PDE1C: variants seen among roughly 807,000 people sequenced by gnomAD.
PDE1C encodes dual specificity calcium/calmodulin-dependent 3',5'-cyclic nucleotide phosphodiesterase 1C.
In PDE1C, 62 loss-of-function variants were observed where a neutral mutation model predicts 93.1. That is an observed-to-expected ratio of 0.67 (90% CI 0.54 to 0.82). The LOEUF (loss-of-function observed/expected upper bound fraction) is 0.82, where lower values mean the gene tolerates loss of function less well. PDE1C is among the 40% of genes least tolerant of loss of function. The pLI is 0.00. For missense variants in PDE1C, 742 were observed against 884.6 expected (o/e 0.84, Z 2.04); for synonymous variants, 325 against 310.1 (o/e 1.05, Z -0.50).
the PDE1C span, among the ~76,000 whole-genome samples, chr7:31,713,995 T>C: frequency 6.6e-6 from 1 of 152,200 alleles, no homozygotes; most frequent in African/African-American, 2.4e-5. Context: ...CCCATTGTTT[T>C]GGTGGTTAAC....
chr7:31,697,369 T>G, the PDE1C span, among the ~76,000 whole-genome samples: 1 of 152,216 alleles, frequency 6.6e-6, no homozygotes, highest in Non-Finnish European at 1.5e-5. Flanking sequence ...TTGAATTCAC[T>G]GAGCCAACGG....
chr7:31,732,994 G>A, the PDE1C span, among the ~76,000 whole-genome samples: 75 of 152,268 alleles, frequency 4.9e-4, 1 homozygote, highest in East Asian at 9.5e-3. Context: ...CATTCCTAAC[G>A]GAAAGCCATT....
chr7:32,169,549 G>A (rs1802514464), intron 3 of PDE1C, among the ~76,000 whole-genome samples: 1 of 152,112 alleles, frequency 6.6e-6, no homozygotes, highest in African/African-American at 2.4e-5. Context: ...GCATTTAAAT[G>A]CCAATACCAA....
intron 1 of PDE1C, among the ~76,000 whole-genome samples, chr7:32,360,052 T>G (rs1016885294): frequency 2.0e-5 from 3 of 152,150 alleles, no homozygotes; most frequent in African/African-American, 7.2e-5. Context: ...GGACGATATC[T>G]TCCCTGACTC....
In PDE1C at chr7:31,873,331, A is replaced by G; in HGVS notation, c.570T>C (p.Tyr190=). The G allele has an allele frequency of 6.2e-7, 1 of 1,613,758 alleles. No homozygotes were observed. Residue 190 remains tyrosine, a synonymous_variant, in exon 6 of 18, where the codon TAT becomes TAC. Coordinates refer to ENST00000396191, the MANE Select transcript of PDE1C (RefSeq NM_001191057.4). The stretch of plus-strand genomic sequence containing the variant: ...TCAGATCATAACGTGTGAGTAGTTC[A>G]TAGAAAATAAATTTCAGTGCATGAT... The part of the protein sequence containing the change: ...SGDHALKFIF[Y]ELLTRYDLIS...
the PDE1C span, among the ~76,000 whole-genome samples, chr7:31,659,912 T>C: frequency 6.6e-6 from 1 of 152,204 alleles, no homozygotes; most frequent in African/African-American, 2.4e-5. Flanking sequence ...TGAATTGTAG[T>C]TCCCATAATC....
intron 1 of PDE1C, among the ~76,000 whole-genome samples, chr7:32,333,561 G>A (rs932608921): frequency 3.9e-5 from 6 of 152,090 alleles, no homozygotes; most frequent in Admixed American, 6.5e-5. Flanking sequence ...TTGAGTAGCT[G>A]TCCTAATCAT....
At chr7:32,147,305 A>AAAGAAAGAAAGAAAGAAAG in intron 3 of PDE1C, among the ~76,000 whole-genome samples, 1 of 107,962 alleles carries the variant, frequency 9.3e-6, no homozygotes, top group Non-Finnish European at 2.0e-5. Context: ...AGAAAGAAAG[A>AAAGAAAGAAAGAAAGAAAG]AAGAAAGAAA....
intron 1 of PDE1C, among the ~76,000 whole-genome samples, chr7:32,368,932 G>T (rs777237709): frequency 6.6e-6 from 1 of 152,112 alleles, no homozygotes; most frequent in East Asian, 1.9e-4. Flanking sequence ...TGGGGAAACT[G>T]GCTATCTATA....
chr7:31,794,077 C>CAGATAGATAGATAGATAGATAGATAGAT (rs1196325805), intron 16 of PDE1C, among the ~76,000 whole-genome samples: 30 of 135,172 alleles, frequency 2.2e-4, no homozygotes, highest in East Asian at 1.1e-3. Context: ...GACAGACAGA[C>CAGATAGATAGATAGATAGATAGATAGAT]AGACAGACAG....
At chr7:31,687,825 A>G in the PDE1C span, among the ~76,000 whole-genome samples, 520 of 152,358 alleles carry the variant, frequency 3.4e-3, 3 homozygotes, top group African/African-American at 0.012. Context: ...GATACCACAT[A>G]GGCTGTGGAT....
chr7:32,194,136 A>C (rs1186279009), intron 2 of PDE1C, among the ~76,000 whole-genome samples: 2 of 152,018 alleles, frequency 1.3e-5, no homozygotes, highest in Non-Finnish European at 2.9e-5. Flanking sequence ...GGATGGTCTC[A>C]ATCTCCTGAC....
At chr7:31,930,859 A>AAAAAAAAAAAAAAAAC (rs1804122367) in intron 2 of PDE1C, among the ~76,000 whole-genome samples, 1 of 148,466 alleles carries the variant, frequency 6.7e-6, no homozygotes, top group African/African-American at 2.5e-5. Flanking sequence ...AAAAAAAAAA[A>AAAAAAAAAAAAAAAAC]AAAAAAAAAA....
the PDE1C span, chr7:31,653,373 C>T: frequency 1.3e-5 from 2 of 154,464 alleles, no homozygotes; most frequent in African/African-American, 4.9e-5. Context: ...TATGCATTCA[C>T]CTAGCTCAGT....
intron 17 of PDE1C, among the ~76,000 whole-genome samples, chr7:31,753,984 T>C (rs1794280632): frequency 1.3e-5 from 2 of 152,196 alleles, no homozygotes; most frequent in African/African-American, 4.8e-5. Flanking sequence ...AAGTGCATCA[T>C]TAAGAAAATA....
chr7:32,195,444 T>C (rs1804544629), intron 2 of PDE1C, among the ~76,000 whole-genome samples: 1 of 152,246 alleles, frequency 6.6e-6, no homozygotes, highest in Non-Finnish European at 1.5e-5. Flanking sequence ...TGAAAAATAT[T>C]GTGCTTCCAT....
chr7:31,699,376 A>G, the PDE1C span, among the ~76,000 whole-genome samples: 1 of 152,176 alleles, frequency 6.6e-6, no homozygotes, highest in Non-Finnish European at 1.5e-5. Context: ...TCTCCCGTGA[A>G]AGGGCCTTCA....
At chr7:32,172,823 TAAAAAAAAA>T (rs70989638) in intron 2 of PDE1C, among the ~76,000 whole-genome samples, 1 of 104,456 alleles carries the variant, frequency 9.6e-6, no homozygotes, top group Non-Finnish European at 1.9e-5. Context: ...ACTCCATCTT[TAAAAAAAAA>T]AAAAAAAAAA....
chr7:31,854,644 G>T (rs1347437233), intron 7 of PDE1C, among the ~76,000 whole-genome samples: 3 of 152,264 alleles, frequency 2.0e-5, no homozygotes, highest in East Asian at 3.9e-4. Flanking sequence ...AAAGGACATG[G>T]CCAATTTCTC....
Sources: allele counts gnomAD v4.1 joint callset (sites outside exome capture counted in the v4.1 genomes callset), GRCh38; gene constraint gnomAD v4.1.1; transcripts MANE v1.5; gene names NCBI Gene and HGNC (gene_info 2026-07-23, HGNC 2026-07-21).